The following TEK variants were observed in gnomAD, a reference collection of about 807,000 sequenced individuals.
The protein encoded by TEK is TEK receptor tyrosine kinase, also known as angiopoietin-1 receptor.
TEK carries 43 observed loss-of-function variants against 131.8 expected under a neutral mutation model. The observed-to-expected ratio is 0.33, with a 90% confidence interval of 0.26 to 0.42. The LOEUF (loss-of-function observed/expected upper bound fraction) is 0.42, where lower values mean the gene tolerates loss of function less well. Among genes scored for constraint, TEK ranks in the 10% least tolerant of loss-of-function variants. The pLI is 1.00. For missense variants in TEK, 1,162 were observed against 1,384.4 expected (o/e 0.84, Z 2.55); for synonymous variants, 580 against 491.6 (o/e 1.18, Z -2.38).
intron 1 of TEK, among the ~76,000 whole-genome samples, chr9:27,151,359 G>A (rs189576009): frequency 3.9e-5 from 6 of 151,990 alleles, no homozygotes; most frequent in Admixed American, 3.3e-4. Context: ...TAGTTCTTAG[G>A]GCCCAACAGA....
At chr9:27,112,887 A>C (rs1821399827) in intron 1 of TEK, among the ~76,000 whole-genome samples, 1 of 152,244 alleles carries the variant, frequency 6.6e-6, no homozygotes, top group Admixed American at 6.5e-5. Flanking sequence ...GTTTGTTGAA[A>C]GTTCTTGTGA....
intron 4 of TEK, 77 bp from the exon 5 acceptor site, chr9:27,172,539 C>CTGT (rs1823996010): frequency 6.3e-7 from 1 of 1,587,748 alleles, no homozygotes; most frequent in Non-Finnish European, 8.6e-7. Context: ...GAATGACTGA[C>CTGT]ACACAGTAGG....
At chr9:27,160,612 G>C (rs1204101974) in intron 2 of TEK, among the ~76,000 whole-genome samples, 1 of 152,102 alleles carries the variant, frequency 6.6e-6, no homozygotes, top group East Asian at 1.9e-4. Context: ...CTCTAACTTG[G>C]GTCCAGCTGA....
At chr9:27,219,749 G>GGAC (rs879936516) in intron 20 of TEK, among the ~76,000 whole-genome samples, 1 of 137,876 alleles carries the variant, frequency 7.3e-6, no homozygotes, top group Non-Finnish European at 1.6e-5. Flanking sequence ...AATCTTATTG[G>GGAC]TATAATAAAG....
At chr9:27,215,499 T>C (rs77529534) in intron 18 of TEK, among the ~76,000 whole-genome samples, 8,474 of 152,070 alleles carry the variant, frequency 0.056, 428 homozygotes, top group Admixed American at 0.15. Context: ...CCCCAGATGA[T>C]TGAGTCCTAT....
chr9:27,187,776 A>G (rs1824653441), intron 9 of TEK, among the ~76,000 whole-genome samples: 1 of 152,102 alleles, frequency 6.6e-6, no homozygotes, highest in Non-Finnish European at 1.5e-5. Context: ...GTCTCCCTGT[A>G]TCTTCACAGG....
At chr9:27,203,409 G>A (rs1825291435) in intron 13 of TEK, among the ~76,000 whole-genome samples, 2 of 152,192 alleles carry the variant, frequency 1.3e-5, no homozygotes, top group Non-Finnish European at 1.5e-5. Flanking sequence ...AGAAGAATGT[G>A]GGAGCTGCTT....
intron 12 of TEK, among the ~76,000 whole-genome samples, 180 bp from the exon 13 acceptor site, chr9:27,202,640 G>T (rs1469078601): frequency 6.6e-6 from 1 of 152,126 alleles, no homozygotes; most frequent in Non-Finnish European, 1.5e-5. Flanking sequence ...CCATTTCTCT[G>T]TCTGTGCCAC....
intron 15 of TEK, among the ~76,000 whole-genome samples, chr9:27,208,010 G>A (rs1191943508): frequency 6.6e-6 from 1 of 152,062 alleles, no homozygotes; most frequent in Non-Finnish European, 1.5e-5. Flanking sequence ...TCTTATGAAG[G>A]CAGTTTTTAT....
At chr9:27,144,666 C>T (rs1197362099) in intron 1 of TEK, among the ~76,000 whole-genome samples, 2 of 152,166 alleles carry the variant, frequency 1.3e-5, no homozygotes, top group African/African-American at 4.8e-5. Context: ...AGGTGGCACA[C>T]AATCACAGAA....
At chr9:27,125,663 T>C (rs940439089) in intron 1 of TEK, among the ~76,000 whole-genome samples, 2 of 152,218 alleles carry the variant, frequency 1.3e-5, no homozygotes, top group Non-Finnish European at 2.9e-5. Context: ...GATAACAATA[T>C]TACCCTTTAA....
At chr9:27,219,743 T>A (rs1204675226) in intron 20 of TEK, among the ~76,000 whole-genome samples, 6 of 116,984 alleles carry the variant, frequency 5.1e-5, no homozygotes, top group African/African-American at 6.6e-5. Context: ...AAGGTTAATC[T>A]TATTGGTATA....
chr9:27,220,701 T>C (rs1274911700), intron 21 of TEK, among the ~76,000 whole-genome samples: 1 of 152,200 alleles, frequency 6.6e-6, no homozygotes, highest in Non-Finnish European at 1.5e-5. Flanking sequence ...GGGAACTCCC[T>C]TCCTAGCGAA....
At chr9:27,157,708 CA>C in intron 1 of TEK, 122 bp from the exon 2 acceptor site, 1 of 1,184,438 alleles carries the variant, frequency 8.4e-7, no homozygotes, top group Non-Finnish European at 1.2e-6. Context: ...GGCACATGGT[CA>C]GAATAGCATT....
intron 19 of TEK, among the ~76,000 whole-genome samples, chr9:27,218,129 G>GTT (rs562857992): frequency 1.0e-4 from 6 of 57,338 alleles, no homozygotes; most frequent in Non-Finnish European, 1.6e-4. Context: ...AGGCCAGACA[G>GTT]TGGCGGGGGT....
intron 16 of TEK, among the ~76,000 whole-genome samples, chr9:27,211,779 A>C (rs1313404382): frequency 6.6e-6 from 1 of 152,020 alleles, no homozygotes; most frequent in Non-Finnish European, 1.5e-5. Flanking sequence ...TTCAAGTTCT[A>C]ATTCATACAT....
At chr9:27,217,844 T>C in intron 19 of TEK, 86 bp downstream of exon 19, 1 of 1,215,754 alleles carries the variant, frequency 8.2e-7, no homozygotes, top group Non-Finnish European at 1.2e-6. Flanking sequence ...GATACAGGAA[T>C]GTCCTGTAGC....
intron 9 of TEK, among the ~76,000 whole-genome samples, chr9:27,189,439 C>G (rs1824725162): frequency 6.6e-6 from 1 of 152,100 alleles, no homozygotes; most frequent in Non-Finnish European, 1.5e-5. Context: ...ATTGTAATAT[C>G]TAAAATTTTT....
At chr9:27,136,466 T>C (rs1225044113) in intron 1 of TEK, among the ~76,000 whole-genome samples, 2 of 152,180 alleles carry the variant, frequency 1.3e-5, no homozygotes, top group Non-Finnish European at 2.9e-5. Flanking sequence ...TGCCTCTCTG[T>C]TCAAATTTTG....
Sources: gnomAD v4.1 joint callset for allele counts (sites outside exome capture counted in the v4.1 genomes callset) on GRCh38, gnomAD v4.1.1 for gene constraint, MANE v1.5 for transcripts, NCBI Gene and HGNC (gene_info 2026-07-23, HGNC 2026-07-21) for gene names.